The following FAM227B variants were observed in gnomAD, a reference collection of about 807,000 sequenced individuals.
FAM227B encodes the protein family with sequence similarity 227 member B, also known as protein FAM227B.
In FAM227B, 88 loss-of-function variants were observed where a neutral mutation model predicts 73.8. That is an observed-to-expected ratio of 1.19 (90% CI 1.00 to 1.42). The LOEUF (loss-of-function observed/expected upper bound fraction) is 1.42. FAM227B is among the 40% of genes most tolerant of loss of function. The probability of loss-of-function intolerance (pLI) is 0.00; values close to 1 mark genes in which losing one functional copy is unlikely to be tolerated. For synonymous variants in FAM227B, 210 were observed against 190.5 expected (o/e 1.10, Z -0.84); for missense variants, 632 against 590.9 (o/e 1.07, Z -0.72).
Position 49,589,934 on chromosome 15 carries a change from T to C in FAM227B, c.179A>G (p.Asp60Gly). The change falls in exon 4 of 16, where the codon GAT becomes GGT. Residue 60 changes from aspartate (D) to glycine (G), a missense_variant. Transcript: ENST00000299338. Reference protein sequence around the residue: ...WSCTLKKIKEDSSFVSIYTHL... With the variant: ...WSCTLKKIKEGSSFVSIYTHL... The stretch of plus-strand genomic sequence containing the variant: ...TGTATAAATTGAAACAAATGAACTA[T>C]CTTCTTTTATTTTTTTCAGAGTGCA... 1.9e-6 allele frequency: 3 copies of C among 1,604,918 alleles called. No individual in the cohort carries two copies. Among genetic ancestry groups the C allele is most frequent in the Middle Eastern group, 1.7e-4 (1 of 6,050 alleles).
At chr15:49,616,816 A>T (rs1210386009) in intron 1 of FAM227B, among the ~76,000 whole-genome samples, 2 of 151,904 alleles carry the variant, frequency 1.3e-5, no homozygotes, top group Non-Finnish European at 3.0e-5. Context: ...ATTTTGATAT[A>T]AATATTTATT....
rs1433667379 is a variant in FAM227B at position 49,399,701 on chromosome 15, A to C, written c.1013-28302T>G. Among the ~76,000 whole-genome samples, 4 of 145,924 alleles carry C rather than the reference A, an allele frequency of 2.7e-5. No individual in the cohort carries two copies. The East Asian group carries it at 8.1e-4, about 30-fold the overall frequency. On this transcript the variant is annotated intron_variant, in intron 11 of 15. Coordinates refer to ENST00000299338, the MANE Select transcript of FAM227B (RefSeq NM_152647.3). ...GATGCAAGGCTGGTTCAATATACAC[A>C]AATCAATAAATGTAATCCAGCATAT...
intron 7 of FAM227B, among the ~76,000 whole-genome samples, chr15:49,575,927 A>G (rs746184402): frequency 6.6e-6 from 1 of 152,224 alleles, no homozygotes; most frequent in Non-Finnish European, 1.5e-5. Flanking sequence ...TTATCTTCTT[A>G]GTCACAAAAT....
At chr15:49,486,080 C>T (rs1373504512) in intron 11 of FAM227B, 3 of 151,968 alleles carry the variant, frequency 2.0e-5, no homozygotes, top group African/African-American at 7.2e-5. Flanking sequence ...TATATGTTCA[C>T]CAATGGGAGG....
rs573188360 is a variant in FAM227B at position 49,511,649 on chromosome 15, C to T, written c.875-3301G>A. On this transcript the variant is annotated intron_variant, in intron 10 of 15. Transcript: ENST00000299338. ...ATAGGCCCTAGTGTGTGTTGTTCCC[C>T]TGCATATGTCCTTGTGTTCTTATCG... is the stretch of plus-strand genomic sequence containing the variant. 6.4e-4 allele frequency among the ~76,000 whole-genome samples: 97 copies of T among 152,202 alleles called. 1 individual carries two copies. Among genetic ancestry groups the T allele is most frequent in the African/African-American group, 2.3e-3 (95 of 41,560 alleles).
chr15:49,619,622 C>T (rs1303257544), intron 1 of FAM227B, among the ~76,000 whole-genome samples: 1 of 152,176 alleles, frequency 6.6e-6, no homozygotes, highest in African/African-American at 2.4e-5. Context: ...TTGTTTTAAG[C>T]CACCATATTT....
intron 13 of FAM227B, among the ~76,000 whole-genome samples, chr15:49,336,063 C>T (rs2039661500): frequency 6.6e-6 from 1 of 152,188 alleles, no homozygotes; most frequent in African/African-American, 2.4e-5. Context: ...CTGCCTTGGC[C>T]TCCCAAAGTA....
chr15:49,428,947 CT>C (rs1325014598), intron 11 of FAM227B, among the ~76,000 whole-genome samples: 3 of 152,028 alleles, frequency 2.0e-5, no homozygotes, highest in African/African-American at 7.2e-5. Context: ...CTGAATTTGA[CT>C]TTGGCTACAA....
intron 9 of FAM227B, among the ~76,000 whole-genome samples, chr15:49,563,847 G>A (rs2074440025): frequency 6.6e-6 from 1 of 152,066 alleles, no homozygotes; most frequent in Non-Finnish European, 1.5e-5. Context: ...ACTCAAGATG[G>A]ATTAAAGACA....
chr15:49,441,518 G>A (rs1427728068), intron 11 of FAM227B, among the ~76,000 whole-genome samples: 1 of 151,668 alleles, frequency 6.6e-6, no homozygotes, highest in Non-Finnish European at 1.5e-5. Flanking sequence ...CAGGAAAGTA[G>A]ACCAGGAAGC....
chr15:49,392,764 C>A (rs2047300663), intron 11 of FAM227B, among the ~76,000 whole-genome samples: 1 of 152,164 alleles, frequency 6.6e-6, no homozygotes, highest in African/African-American at 2.4e-5. Context: ...TAATGAATGA[C>A]ATGAGTGATG....
At chr15:49,427,647 G>A (rs1487960217) in intron 11 of FAM227B, among the ~76,000 whole-genome samples, 2 of 151,634 alleles carry the variant, frequency 1.3e-5, no homozygotes, top group Non-Finnish European at 2.9e-5. Context: ...ACTTTTTTTT[G>A]AATGACTGAC....
At chr15:49,542,073 G>A (rs1369705279) in intron 9 of FAM227B, among the ~76,000 whole-genome samples, 1 of 151,700 alleles carries the variant, frequency 6.6e-6, no homozygotes, top group African/African-American at 2.4e-5. Flanking sequence ...AAATTTCTTT[G>A]GTTTCCTTAT....
chr15:49,343,037 G>A (rs1417620227), intron 13 of FAM227B, among the ~76,000 whole-genome samples: 1 of 152,058 alleles, frequency 6.6e-6, no homozygotes, highest in Non-Finnish European at 1.5e-5. Context: ...GGTGTTCTCT[G>A]AATTTCTTGA....
At chr15:49,361,814 A>G (rs8024378) in intron 13 of FAM227B, among the ~76,000 whole-genome samples, 24,551 of 152,108 alleles carry the variant, frequency 0.16, 3,124 homozygotes, top group African/African-American at 0.35. Flanking sequence ...TCTTTGAGAA[A>G]TTGCCAAACT....
chr15:49,471,004 C>T (rs2054689765), intron 11 of FAM227B, among the ~76,000 whole-genome samples: 1 of 152,142 alleles, frequency 6.6e-6, no homozygotes, highest in Admixed American at 6.5e-5. Flanking sequence ...GTTACCAATT[C>T]ATGTATAATA....
chr15:49,578,578 C>T (rs2075616153), intron 5 of FAM227B, among the ~76,000 whole-genome samples: 1 of 152,104 alleles, frequency 6.6e-6, no homozygotes, highest in Admixed American at 6.6e-5. Context: ...CACATACACA[C>T]ATATTACACA....
chr15:49,577,680 A>G lies in FAM227B; in HGVS notation c.406-16T>C. ...CATCTGAAAGCTGGAAAACATTTTA[A>G]ATAAACTCTTTAAAACTCTAAATTA... On this transcript the variant is annotated splice_polypyrimidine_tract_variant and intron_variant, in intron 5 of 15. Transcript: ENST00000299338. 4.7e-6 allele frequency: 7 copies of G among 1,504,054 alleles called. No homozygotes were observed. The highest frequency in any genetic ancestry group is 6.4e-6 in the Non-Finnish European group (7 of 1,097,796). 93.2% of individuals were successfully genotyped at this position (1,504,054 alleles called of 1,614,324 possible). A position where few individuals can be genotyped will look rare whatever the true frequency, so the allele number is the denominator to read the frequency against.
At chr15:49,362,844 G>A (rs2044486090) in intron 13 of FAM227B, among the ~76,000 whole-genome samples, 1 of 151,992 alleles carries the variant, frequency 6.6e-6, no homozygotes, top group East Asian at 1.9e-4. Context: ...TCTGCATATA[G>A]CTAGCCAGTT....
Sources: gnomAD v4.1 joint callset for allele counts (sites outside exome capture counted in the v4.1 genomes callset) on GRCh38, gnomAD v4.1.1 for gene constraint, MANE v1.5 for transcripts, NCBI Gene and HGNC (gene_info 2026-07-23, HGNC 2026-07-21) for gene names.